NPHP3: variants seen among roughly 807,000 people sequenced by gnomAD.
NPHP3 encodes the protein nephrocystin 3, also known as nephrocystin-3.
In NPHP3, 123 loss-of-function variants were observed where a neutral mutation model predicts 171.9. The ratio of observed to expected loss-of-function variants is 0.72; its 90% CI spans 0.62 to 0.83. The LOEUF is 0.83. Among genes scored for constraint, NPHP3 ranks in the 40% least tolerant of loss-of-function variants. NPHP3 has a pLI of 0.00. For missense variants in NPHP3, 1,506 were observed against 1,591.9 expected, an observed-to-expected ratio of 0.95 and a Z score of 0.92; for synonymous variants, 558 against 579.2, an observed-to-expected ratio of 0.96 and a Z score of 0.52.
chr3:132,686,337 T>C lies in NPHP3; in HGVS notation c.3252A>G (p.Thr1084=), dbSNP rs11915053. The C allele has an allele frequency of 1.1e-3, 1,803 of 1,613,968 alleles. 22 individuals are homozygous for C. The African/African-American group carries it at 0.021, about 19-fold the overall frequency. ...RRRALQLEEL[T]LGKDTPDNAR... Reference sequence around the variant, plus strand: ...CATTATCAGGTGTGTCCTTACCTAATGTAAGCTCTTCTAACTGTAAAGCCC... The same window carrying C: ...CATTATCAGGTGTGTCCTTACCTAACGTAAGCTCTTCTAACTGTAAAGCCC... Residue 1084 remains threonine (T), a synonymous_variant, in exon 23 of 27, where the codon ACA becomes ACG. Coordinates refer to ENST00000337331, the MANE Select transcript of NPHP3 (RefSeq NM_153240.5).
intron 8 of NPHP3, 86 bp from the exon 9 acceptor site, chr3:132,704,457 C>A (rs1298335475): frequency 1.4e-6 from 2 of 1,445,224 alleles, no homozygotes; most frequent in East Asian, 4.5e-5. Context: ...GTGGGCTTCA[C>A]CTACTTTTGG....
intron 3 of NPHP3, among the ~76,000 whole-genome samples, chr3:132,717,605 AGAAAG>A (rs887126324): frequency 6.6e-6 from 1 of 152,212 alleles, no homozygotes; most frequent in Non-Finnish European, 1.5e-5. Flanking sequence ...AAAAAGACCT[AGAAAG>A]GAATTTGTTT....
intron 6 of NPHP3, among the ~76,000 whole-genome samples, chr3:132,710,337 G>A (rs1373242242): frequency 6.7e-6 from 1 of 150,308 alleles, no homozygotes; most frequent in African/African-American, 2.5e-5. Context: ...AACTCTATAG[G>A]TGATCTGGTA....
chr3:132,690,733 G>T (rs1939278768), intron 18 of NPHP3, 83 bp from the exon 19 acceptor site: 2 of 1,388,732 alleles, frequency 1.4e-6, no homozygotes, highest in Admixed American at 3.6e-5. Context: ...GTCAAAGGAA[G>T]AAAAATATTT....
intron 6 of NPHP3, among the ~76,000 whole-genome samples, chr3:132,709,270 CCCTTTT>C (rs1939842010): frequency 7.3e-6 from 1 of 136,762 alleles, no homozygotes; most frequent in Non-Finnish European, 1.5e-5. Flanking sequence ...TTCTTTCTCT[CCCTTTT>C]TTTTTTTTTT....
At position 132,699,874 on chromosome 3, in the gene NPHP3, T is replaced by A. The variant is rs766964619; in HGVS notation, c.1887+44A>T. The stretch of plus-strand genomic sequence containing the variant: ...TGCTCTAGCTATTACTGAATTTACA[T>A]CTCTTTCTGAGCATATCAATAGGTA... On this transcript the variant is annotated intron_variant, in intron 12 of 26. Transcript: ENST00000337331. 1.2e-5 allele frequency: 19 copies of A among 1,599,032 alleles called. No individual in the cohort carries two copies. The Admixed American group carries it at 2.2e-4, about 18-fold the overall frequency.
At chr3:132,696,918 A>G (rs568076043) in intron 14 of NPHP3, 105 bp from the exon 15 acceptor site, 1 of 895,258 alleles carries the variant, frequency 1.1e-6, no homozygotes, top group East Asian at 2.4e-5. Flanking sequence ...CAGAAATAAC[A>G]CTATTGCTGC....
intron 9 of NPHP3, among the ~76,000 whole-genome samples, chr3:132,701,974 C>T (rs960918150): frequency 6.6e-6 from 1 of 152,014 alleles, no homozygotes; most frequent in Non-Finnish European, 1.5e-5. Context: ...TGCAGTGAGC[C>T]GAGACAGTGC....
chr3:132,696,924 G>T, intron 14 of NPHP3, 111 bp from the exon 15 acceptor site: 3 of 863,378 alleles, frequency 3.5e-6, no homozygotes, highest in Non-Finnish European at 5.8e-6. Flanking sequence ...TAACACTATT[G>T]CTGCCATCCG....
intron 21 of NPHP3, 90 bp downstream of exon 21, chr3:132,688,560 A>G: frequency 5.1e-6 from 7 of 1,374,080 alleles, no homozygotes; most frequent in Non-Finnish European, 7.2e-6. Flanking sequence ...GGAAAAGTAC[A>G]CAGTGATAAA....
chr3:132,707,234 T>C (rs2107989544), intron 7 of NPHP3, among the ~76,000 whole-genome samples: 1 of 152,312 alleles, frequency 6.6e-6, no homozygotes, highest in Non-Finnish European at 1.5e-5. Context: ...CCAATGCTCT[T>C]AGGAAAAGTC....
Position 132,722,228 on chromosome 3 carries a change from T to C in NPHP3, c.128A>G (p.Asn43Ser), listed in dbSNP as rs898738074. ...EVKPKARLLR[N>S]SFRRGAGAAA... ...CGCCCCCGCGCCTCGGCGGAACGAG[T>C]TGCGCAGCAGGCGGGCCTTGGGCTT... Residue 43 changes from asparagine to serine, a missense_variant, in exon 1 of 27, where the codon AAC (asparagine) becomes AGC (serine). Physicochemically the swap from Asn to Ser is conservative, Grantham distance 46. Around this residue, in one of 3 missense-constraint regions of NPHP3, gnomAD observed 930 missense variants for 924.9 expected, o/e 1.01. Coordinates refer to ENST00000337331, the MANE Select transcript of NPHP3 (RefSeq NM_153240.5). The C allele has an allele frequency of 1.3e-6, 2 of 1,549,708 alleles. No homozygotes were observed. The highest frequency in any genetic ancestry group is 1.7e-6 in the Non-Finnish European group (2 of 1,158,512).
chr3:132,687,375 T>TGTCATGA (rs1353283329), intron 21 of NPHP3, 149 bp from the exon 22 acceptor site: 1 of 561,300 alleles, frequency 1.8e-6, no homozygotes, highest in Non-Finnish European at 3.2e-6. Flanking sequence ...ACATTAAGAA[T>TGTCATGA]CTCTAAAAAC....
At chr3:132,710,510 G>A (rs1010214724) in intron 6 of NPHP3, among the ~76,000 whole-genome samples, 2 of 152,090 alleles carry the variant, frequency 1.3e-5, no homozygotes, top group African/African-American at 2.4e-5. Flanking sequence ...GCTGTGCAAA[G>A]GGAGAGGCAC....
Position 132,722,370 on chromosome 3 carries a change from C to T in NPHP3, c.-15G>A. 6.3e-7 allele frequency: 1 copy of T among 1,575,110 alleles called. No homozygotes were observed. On this transcript the variant is annotated 5_prime_UTR_variant, in exon 1 of 27. Transcript: ENST00000337331. ...GCGGTCCCCATGGCGTCCGTTGCCG[C>T]TACTACCTAGTGAGTACCAGCAGGA...
At chr3:132,700,674 TTAAC>T (rs1939584885) in intron 10 of NPHP3, among the ~76,000 whole-genome samples, 1 of 152,134 alleles carries the variant, frequency 6.6e-6, no homozygotes, top group African/African-American at 2.4e-5. Flanking sequence ...TAGATGTTAA[TTAAC>T]AGAAACCAAA....
chr3:132,683,672 T>A (rs1939088483), intron 24 of NPHP3, 148 bp from the exon 25 acceptor site: 1 of 631,854 alleles, frequency 1.6e-6, no homozygotes, highest in Admixed American at 3.0e-5. Context: ...AATGATTAAG[T>A]TTATAGATAA....
At chr3:132,682,122 G>A (rs1446539235) in intron 26 of NPHP3, 32 bp from the exon 27 acceptor site, 2 of 1,580,918 alleles carry the variant, frequency 1.3e-6, no homozygotes, top group Admixed American at 1.7e-5. Context: ...CTCTTAAAAT[G>A]AGAATATAAC....
intron 1 of NPHP3, among the ~76,000 whole-genome samples, chr3:132,721,269 T>A (rs1220882753): frequency 1.3e-5 from 2 of 152,226 alleles, no homozygotes; most frequent in Non-Finnish European, 2.9e-5. Flanking sequence ...ATGGAGGGCA[T>A]GCAATAATTG....
Sources: allele counts gnomAD v4.1 joint callset (sites outside exome capture counted in the v4.1 genomes callset), GRCh38; gene constraint gnomAD v4.1.1; regional missense constraint gnomAD v4.1.1; transcripts MANE v1.5; gene names NCBI Gene and HGNC (gene_info 2026-07-23, HGNC 2026-07-21).